Variants in AGRN observed in about 807,000 individuals in gnomAD.
AGRN encodes agrin, also known as agrin proteoglycan.
AGRN carries 106 observed loss-of-function variants against 211.0 expected under a neutral mutation model. That is an observed-to-expected ratio of 0.50 (90% confidence interval 0.43 to 0.59). The LOEUF (loss-of-function observed/expected upper bound fraction) is 0.59, where lower values mean the gene tolerates loss of function less well. Among genes scored for constraint, AGRN ranks in the 20% least tolerant of loss-of-function variants. The pLI is 0.00. For missense variants in AGRN, 3,040 were observed against 2,982.6 expected, an observed-to-expected ratio of 1.02 and a Z score of -0.45; for synonymous variants, 1,525 against 1,332.5, an observed-to-expected ratio of 1.14 and a Z score of -3.15.
chr1:1,038,032 C>T (rs772291506), intron 3 of AGRN, among the ~76,000 whole-genome samples: 12 of 152,238 alleles, frequency 7.9e-5, no homozygotes, highest in Admixed American at 4.6e-4. Context: ...TGGGGCTTCC[C>T]GGAGGCCGTG....
chr1:1,044,499 CT>C, intron 12 of AGRN, 60 bp downstream of exon 12: 2 of 1,521,690 alleles, frequency 1.3e-6, no homozygotes, highest in Non-Finnish European at 8.9e-7. Context: ...GTTTCCGTGT[CT>C]GGATGTGGGC....
rs1360890606 is a variant in AGRN, at chr1:1,022,272, G to A, written c.273G>A (p.Lys91=). 2 of 1,613,318 alleles carry A rather than the reference G, an allele frequency of 1.2e-6. No homozygotes were observed. The highest frequency in any genetic ancestry group is 1.7e-6 in the Non-Finnish European group (2 of 1,180,016). Reference sequence around the variant, plus strand: ...AGAGCCTGCTGGACGGCGGCAACAAGGTGGTGATCAGCGGCTTTGGAGACC... The same window carrying A: ...AGAGCCTGCTGGACGGCGGCAACAAAGTGGTGATCAGCGGCTTTGGAGACC... ...ARESLLDGGN[K]VVISGFGDPL... Residue 91 remains lysine, a synonymous_variant, in exon 2 of 36, where the codon AAG becomes AAA. Coordinates refer to ENST00000379370, the MANE Select transcript of AGRN (RefSeq NM_198576.4).
In AGRN at chr1:1,052,759, C is replaced by A. The variant is rs748089505; in HGVS notation, c.5651+944C>A. On this transcript the variant is annotated intron_variant, in intron 33 of 35. Transcript: ENST00000379370. ...TGTGTCCGAGTGTGTGTGCATGGGT[C>A]CATGTGTGTATAGTGTGTGCACATG... is the stretch of plus-strand genomic sequence containing the variant. The A allele has an allele frequency of 3.1e-4, 43 of 138,142 alleles. 1 individual carries two copies. Among genetic ancestry groups the A allele is most frequent in the Admixed American group, 3.6e-4 (5 of 13,706 alleles). 8.6% of individuals were successfully genotyped at this position (138,142 alleles called of 1,614,324 possible).
At position 1,055,010 on chromosome 1, in the gene AGRN, A is replaced by T; in HGVS notation, c.*29A>T. ...GGCACCAGAGCCCCGCGCCCGCTGT[A>T]ATTATTTTCTATTTTTGTAAACTTG... is the stretch of plus-strand genomic sequence containing the variant. On this transcript the variant is annotated 3_prime_UTR_variant, in exon 36 of 36. Coordinates refer to ENST00000379370, the MANE Select transcript of AGRN (RefSeq NM_198576.4). 1 of 1,545,134 alleles carries T rather than the reference A, an allele frequency of 6.5e-7. No individual in the cohort carries two copies. Among genetic ancestry groups the T allele is most frequent in the Non-Finnish European group, 8.7e-7 (1 of 1,146,586 alleles).
At chr1:1,034,733 G>T (rs1644759224) in intron 2 of AGRN, 1 of 1,007,668 alleles carries the variant, frequency 9.9e-7, no homozygotes, top group Non-Finnish European at 1.2e-6. Flanking sequence ...GCGTCGCACT[G>T]GCCAAGCCCC....
intron 3 of AGRN, among the ~76,000 whole-genome samples, chr1:1,037,980 G>A (rs1644841374): frequency 6.6e-6 from 1 of 152,192 alleles, no homozygotes; most frequent in African/African-American, 2.4e-5. Context: ...GGTGGGAGCG[G>A]CCCCTCACCT....
intron 27 of AGRN, 87 bp downstream of exon 27, chr1:1,050,124 G>A: frequency 1.3e-6 from 2 of 1,586,008 alleles, no homozygotes; most frequent in South Asian, 2.2e-5. Context: ...TTGCAGTTAG[G>A]ATGCGGCTCA....
chr1:1,054,361 G>C (rs1426462876), intron 34 of AGRN, 87 bp from the exon 35 acceptor site: 18 of 1,245,146 alleles, frequency 1.4e-5, no homozygotes, highest in Non-Finnish European at 2.1e-5. Flanking sequence ...GGCACCTGCA[G>C]GGCATAGGAA....
intron 2 of AGRN, 66 bp from the exon 3 acceptor site, chr1:1,035,211 G>C: frequency 6.3e-7 from 1 of 1,577,486 alleles, no homozygotes; most frequent in South Asian, 1.1e-5. Context: ...TCCAGGCTGG[G>C]CAAAGGGATG....
chr1:1,028,752 G>C (rs58325351), intron 2 of AGRN, among the ~76,000 whole-genome samples: 52 of 28,080 alleles, frequency 1.9e-3, no homozygotes, highest in African/African-American at 4.0e-3. Flanking sequence ...CACCCTCTCC[G>C]AAGGAACCGA....
rs149814455 is a variant in AGRN, at chr1:1,044,214, C to A, written c.2105C>A (p.Pro702Gln). 3.3e-5 allele frequency: 54 copies of A among 1,612,888 alleles called. No individual in the cohort carries two copies. The highest frequency in any genetic ancestry group is 4.3e-5 in the Non-Finnish European group (51 of 1,179,900). ...GIWDEDSEDG[P>Q]CVCDFSCQSV... ...TGGGACGAGGACTCGGAGGACGGGCCGTGTGTCTGTGACTTCAGCTGCCAG... is the reference window on the plus strand; with the variant it reads ...TGGGACGAGGACTCGGAGGACGGGCAGTGTGTCTGTGACTTCAGCTGCCAG... Residue 702 changes from proline (P) to glutamine (Q), a missense_variant, in exon 11 of 36, where the codon CCG becomes CAG. This residue lies in a region of AGRN where 1,498 missense variants were observed against 1,457.8 expected (regional missense o/e 1.03). Coordinates refer to ENST00000379370, the MANE Select transcript of AGRN (RefSeq NM_198576.4).
In AGRN at chr1:1,030,604, CGT is replaced by C. The variant is rs201042531; in HGVS notation, c.464-4661_464-4660del. On this transcript the variant is annotated intron_variant, in intron 2 of 35. Coordinates refer to ENST00000379370, the MANE Select transcript of AGRN (RefSeq NM_198576.4). ...GCAGTGCATGGTGCTGTGAGATCAG[CGT>C]GTGTGTGTGTGCAGTGCATGGTGCT... Among the ~76,000 whole-genome samples, 130 of 20,580 alleles carry C rather than the reference CGT, an allele frequency of 6.3e-3. 7 individuals are homozygous for C. Among genetic ancestry groups the C allele is most frequent in the South Asian group, 0.017 (5 of 294 alleles). The allele number at this position is 20,580 out of a possible 152,430, so 13.5% of individuals were successfully genotyped here.
At chr1:1,049,545 C>G in intron 25 of AGRN, 21 bp from the exon 26 acceptor site, 1 of 1,589,506 alleles carries the variant, frequency 6.3e-7, no homozygotes, top group Non-Finnish European at 8.5e-7. Flanking sequence ...AGCCCTGACC[C>G]GGTGTCCCTC....
chr1:1,027,797 G>A (rs1644551469), intron 2 of AGRN, among the ~76,000 whole-genome samples: 1 of 152,142 alleles, frequency 6.6e-6, no homozygotes, highest in African/African-American at 2.4e-5. Flanking sequence ...GGGTGGGAGC[G>A]GGGGTCTGTC....
rs758652107 is a variant in AGRN at position 1,047,354 on chromosome 1, A to C, written c.3416A>C (p.Glu1139Ala). Residue 1139 changes from glutamate to alanine, a missense_variant, in exon 20 of 36, where the codon GAG becomes GCG. This residue lies in a region of AGRN where 1,537 missense variants were observed against 1,505.0 expected (regional missense o/e 1.02). Transcript: ENST00000379370. ...PATKVFQGVL[E>A]LEGVEGQELF... ...ACCAAGGTGTTCCAGGGCGTCCTGGAGCTGGAGGGCGTCGAGGGCCAGGAG... is the reference window on the plus strand; with the variant it reads ...ACCAAGGTGTTCCAGGGCGTCCTGGCGCTGGAGGGCGTCGAGGGCCAGGAG... 4 of 1,608,120 alleles carry C rather than the reference A, an allele frequency of 2.5e-6. No homozygotes were observed. The highest frequency in any genetic ancestry group is 3.4e-6 in the Non-Finnish European group (4 of 1,177,396).
chr1:1,044,112 A>C lies in AGRN; in HGVS notation c.2003A>C (p.Glu668Ala). Residue 668 changes from glutamate (E) to alanine (A), a missense_variant, in exon 11 of 36, where the codon GAG (glutamate) becomes GCG (alanine). Around this residue, in one of 3 missense-constraint regions of AGRN, gnomAD observed 1,498 missense variants for 1,457.8 expected, o/e 1.03. Transcript: ENST00000379370. ...ACTCTGCTCCCCTTCCCCGCAGCCG[A>C]GTGCGGTTCCGGAGGCTCTGGCTCT... Reference protein sequence around the residue: ...EARAGPCEQAECGSGGSGSGE... With the variant: ...EARAGPCEQAACGSGGSGSGE... The C allele has an allele frequency of 6.2e-7, 1 of 1,613,196 alleles. No homozygotes were observed. Among genetic ancestry groups the C allele is most frequent in the Non-Finnish European group, 8.5e-7 (1 of 1,179,908 alleles).
rs1644957439 is a variant in AGRN at position 1,042,024 on chromosome 1, T to C, written c.1246T>C (p.Cys416Arg). 6.2e-7 allele frequency: 1 copy of C among 1,610,612 alleles called. No individual in the cohort carries two copies. The highest frequency in any genetic ancestry group is 8.5e-7 in the Non-Finnish European group (1 of 1,179,640). ...LSRRGRPRCSCDRVTCDGAYR... is the reference protein window; with the variant it reads ...LSRRGRPRCSRDRVTCDGAYR... ...CCGCCGTGGCCGTCCCCGCTGCTCC[T>C]GCGACCGCGTCACCTGTGACGGGGC... is the stretch of plus-strand genomic sequence containing the variant. Residue 416 changes from cysteine (C) to arginine (R), a missense_variant, in exon 7 of 36, where the codon TGC becomes CGC. Physicochemically the swap from Cys to Arg is radical, Grantham distance 180. Transcript: ENST00000379370.
chr1:1,042,306 G>GTGGA, intron 7 of AGRN, 144 bp downstream of exon 7: 1 of 1,098,768 alleles, frequency 9.1e-7, no homozygotes, highest in Non-Finnish European at 1.3e-6. Context: ...TCTGGGGAGG[G>GTGGA]TGGAGCCTGT....
rs1173794904 is a variant in AGRN, at chr1:1,050,328, G to A, written c.4975G>A (p.Gly1659Arg). ...RGLHTFARDL[G>R]EKMALEVVFL... is the part of the protein sequence containing the mutation. Reference sequence around the variant, plus strand: ...CCTGCACACCTTTGCACGGGACCTGGGGTCGGTGGGGCAGGAGCAGGGGGA... The same window carrying A: ...CCTGCACACCTTTGCACGGGACCTGAGGTCGGTGGGGCAGGAGCAGGGGGA... Residue 1659 changes from glycine to arginine, a missense_variant and splice_region_variant, in exon 28 of 36, where the codon GGG becomes AGG. Gly to Arg is a moderately radical substitution (Grantham distance 125). Transcript: ENST00000379370. The A allele has an allele frequency of 5.6e-6, 9 of 1,612,802 alleles. No homozygotes were observed. The highest frequency in any genetic ancestry group is 6.8e-6 in the Non-Finnish European group (8 of 1,179,924).
Sources: allele counts gnomAD v4.1 joint callset (sites outside exome capture counted in the v4.1 genomes callset), GRCh38; gene constraint gnomAD v4.1.1; regional missense constraint gnomAD v4.1.1; transcripts MANE v1.5; gene names NCBI Gene and HGNC (gene_info 2026-07-23, HGNC 2026-07-21).